PDE8B: variants seen among roughly 807,000 people sequenced by gnomAD.
The protein encoded by PDE8B is phosphodiesterase 8B.
PDE8B carries 26 observed loss-of-function variants against 101.3 expected under a neutral mutation model. The ratio of observed to expected loss-of-function variants is 0.26; its 90% CI spans 0.19 to 0.36. The LOEUF (loss-of-function observed/expected upper bound fraction) is 0.36. PDE8B is among the 10% of genes least tolerant of loss of function. The pLI, the probability that PDE8B is intolerant of heterozygous loss-of-function variation, is 1.00. For synonymous variants in PDE8B, 424 were observed against 429.3 expected (o/e 0.99, Z 0.15); for missense variants, 810 against 1,163.1 (o/e 0.70, Z 4.42).
chr5:77,201,409 A>G, the PDE8B span, among the ~76,000 whole-genome samples: 6 of 152,234 alleles, frequency 3.9e-5, no homozygotes, highest in Admixed American at 1.3e-4. Flanking sequence ...CTAGAGATCC[A>G]GCAGCAAACA....
chr5:77,128,707 C>A, the PDE8B span, among the ~76,000 whole-genome samples: 1 of 152,206 alleles, frequency 6.6e-6, no homozygotes, highest in Non-Finnish European at 1.5e-5. Context: ...CAAGTGTCAG[C>A]ACACGAAACA....
the PDE8B span, among the ~76,000 whole-genome samples, chr5:77,093,372 A>G: frequency 6.6e-6 from 1 of 152,134 alleles, no homozygotes; most frequent in Non-Finnish European, 1.5e-5. Context: ...GTTGGTATAT[A>G]CTTTTTCATA....
chr5:77,309,943 C>CTTTTTT (rs955296324), intron 1 of PDE8B, among the ~76,000 whole-genome samples: 4 of 114,166 alleles, frequency 3.5e-5, no homozygotes, highest in African/African-American at 6.6e-5. Flanking sequence ...AATCATTAAT[C>CTTTTTT]TTTTTTTTTT....
chr5:77,306,358 T>A (rs1771209223), intron 1 of PDE8B, among the ~76,000 whole-genome samples: 1 of 152,180 alleles, frequency 6.6e-6, no homozygotes, highest in African/African-American at 2.4e-5. Context: ...ATCTTGTAGA[T>A]GCTGGGGATA....
At chr5:77,296,258 C>CCTT (rs926534831) in intron 1 of PDE8B, among the ~76,000 whole-genome samples, 1 of 150,822 alleles carries the variant, frequency 6.6e-6, no homozygotes, top group Non-Finnish European at 1.5e-5. Flanking sequence ...CTCTCCTTCT[C>CCTT]CTTCTTCTTC....
In PDE8B at chr5:77,385,517, A is replaced by G. The variant is rs536815265; in HGVS notation, c.1168-14731A>G. ...TCTTAGTTATTCCTTGTCTTCTGCT[A>G]GCTTTTGAATTTGTTTGCTCTTCTC... On this transcript the variant is annotated intron_variant, in intron 10 of 21. Coordinates refer to ENST00000264917, the MANE Select transcript of PDE8B (RefSeq NM_003719.5). Among the ~76,000 whole-genome samples the G allele has an allele frequency of 3.4e-4, 51 of 149,378 alleles. 1 individual carries two copies. The highest frequency in any genetic ancestry group is 1.2e-3 in the African/African-American group (47 of 40,506).
chr5:77,107,391 A>C, the PDE8B span, among the ~76,000 whole-genome samples: 1 of 152,142 alleles, frequency 6.6e-6, no homozygotes, highest in Admixed American at 6.5e-5. Context: ...GCTAAATTCA[A>C]CTTTTTCATT....
chr5:77,386,121 A>G (rs781536832), intron 10 of PDE8B, among the ~76,000 whole-genome samples: 50 of 152,050 alleles, frequency 3.3e-4, no homozygotes, highest in Non-Finnish European at 5.7e-4. Context: ...TTCTAATTTC[A>G]TTGCACTGTG....
chr5:77,240,370 G>C (rs1755525934), intron 1 of PDE8B, among the ~76,000 whole-genome samples: 1 of 151,982 alleles, frequency 6.6e-6, no homozygotes, highest in Admixed American at 6.6e-5. Flanking sequence ...AGCCAGGATG[G>C]TCTTGATCTC....
the PDE8B span, chr5:77,105,299 T>A: frequency 6.6e-6 from 1 of 152,238 alleles, no homozygotes; most frequent in African/African-American, 2.4e-5. Context: ...TTCAGTAGAA[T>A]TCATACTTCA....
chr5:77,127,285 C>T, the PDE8B span, among the ~76,000 whole-genome samples: 1 of 152,078 alleles, frequency 6.6e-6, no homozygotes, highest in East Asian at 1.9e-4. Flanking sequence ...GGGGAGGTTT[C>T]CCCCATGCTG....
chr5:77,291,319 G>C, intron 1 of PDE8B: 1 of 1,612,860 alleles, frequency 6.2e-7, no homozygotes, highest in East Asian at 2.2e-5. Flanking sequence ...CAGGCAGTGA[G>C]CATGTTTCTT....
intron 1 of PDE8B, among the ~76,000 whole-genome samples, chr5:77,292,255 G>T (rs971989062): frequency 3.3e-5 from 5 of 152,288 alleles, no homozygotes; most frequent in Middle Eastern, 3.4e-3. Context: ...CTGTGGCTGG[G>T]TGGAGTTGGC....
At chr5:77,121,530 C>T in the PDE8B span, among the ~76,000 whole-genome samples, 4 of 139,026 alleles carry the variant, frequency 2.9e-5, no homozygotes, top group Non-Finnish European at 6.2e-5. Context: ...TTTTTTGAGA[C>T]AGAGTCTCGC....
In PDE8B at chr5:77,211,169, T is replaced by A. The variant is rs2149373113; in HGVS notation, c.244T>A (p.Ser82Thr). 6.5e-7 allele frequency: 1 copy of A among 1,533,434 alleles called. No homozygotes were observed. Among genetic ancestry groups the A allele is most frequent in the Non-Finnish European group, 8.7e-7 (1 of 1,146,800 alleles). 95.0% of individuals were successfully genotyped at this position (1,533,434 alleles called of 1,614,324 possible). Residue 82 changes from serine (S) to threonine (T), a missense_variant, in exon 1 of 22, where the codon TCC becomes ACC. Physicochemically the swap from Ser to Thr is moderately conservative, Grantham distance 58. Around this residue, in one of 4 missense-constraint regions of PDE8B, gnomAD observed 159 missense variants for 146.6 expected, o/e 1.08. Transcript: ENST00000264917. The surrounding 1 kb of genome is among the most constrained non-coding windows in gnomAD (Gnocchi z 4.1). Reference protein sequence around the residue: ...TELGSGSSAGSAAPAATTSRG... With the variant: ...TELGSGSSAGTAAPAATTSRG... ...GCTGGGCAGCGGTAGCAGCGCGGGT[T>A]CCGCAGCCCCCGCCGCGACCACCAG... is the stretch of plus-strand genomic sequence containing the variant.
Position 77,331,444 on chromosome 5 carries a change from C to T in PDE8B, c.693C>T (p.His231=), listed in dbSNP as rs749278223. Residue 231 remains histidine (H), a synonymous_variant, in exon 5 of 22, where the codon CAC becomes CAT. Transcript: ENST00000264917. ...AGGCGTCAGTCCTTCCTCTTCTCCA[C>T]GCAGGCTTCAACAGGGTATGTACAA... ...HEEASVLPLL[H]AGFNRRFMEN... is the part of the protein sequence containing the mutation. 50 of 1,613,384 alleles carry T rather than the reference C, an allele frequency of 3.1e-5. No homozygotes were observed. In the South Asian group the frequency reaches 4.0e-4, roughly 13 times the overall value.
intron 20 of PDE8B, among the ~76,000 whole-genome samples, chr5:77,423,648 T>G (rs1025790395): frequency 7.6e-6 from 1 of 131,124 alleles, no homozygotes; most frequent in African/African-American, 2.8e-5. Context: ...TTTTTTTTTT[T>G]TTTTTTTTTT....
At chr5:77,329,998 T>C (rs912806463) in intron 4 of PDE8B, among the ~76,000 whole-genome samples, 1 of 152,154 alleles carries the variant, frequency 6.6e-6, no homozygotes, top group African/African-American at 2.4e-5. Flanking sequence ...CTATGTCTTC[T>C]CACTTTGTTT....
the PDE8B span, chr5:77,143,915 A>C: frequency 7.0e-6 from 1 of 142,722 alleles, no homozygotes; most frequent in Non-Finnish European, 1.5e-5. Context: ...CCAAGTTCAC[A>C]CAGCCCTGGT....
Sources: allele counts gnomAD v4.1 joint callset (sites outside exome capture counted in the v4.1 genomes callset), GRCh38; gene constraint gnomAD v4.1.1; regional missense constraint gnomAD v4.1.1; non-coding constraint Gnocchi (gnomAD v3.1); transcripts MANE v1.5; gene names NCBI Gene and HGNC (gene_info 2026-07-23, HGNC 2026-07-21).